The following PCDHGA1 variants were observed in gnomAD, a reference collection of about 807,000 sequenced individuals.
The protein encoded by PCDHGA1 is protocadherin gamma subfamily A, 1.
In PCDHGA1, 32 loss-of-function variants were observed where a neutral mutation model predicts 58.0. That is an observed-to-expected ratio of 0.55 (90% CI 0.42 to 0.74). The LOEUF (loss-of-function observed/expected upper bound fraction) is 0.74. Among genes scored for constraint, PCDHGA1 ranks in the 30% least tolerant of loss-of-function variants. The pLI, the probability that PCDHGA1 is intolerant of heterozygous loss-of-function variation, is 0.00. For missense variants in PCDHGA1, 1,205 were observed against 1,182.3 expected (o/e 1.02, Z -0.28); for synonymous variants, 498 against 501.1 (o/e 0.99, Z 0.08).
At chr5:141,409,573 C>T (rs562811168) in intron 1 of PCDHGA1, 4 of 1,613,934 alleles carry the variant, frequency 2.5e-6, no homozygotes, top group African/African-American at 2.7e-5. Flanking sequence ...AGACGTCCTA[C>T]GTGGTCCACG....
At chr5:141,394,840 G>A in intron 1 of PCDHGA1, 3 of 1,613,834 alleles carry the variant, frequency 1.9e-6, no homozygotes, top group Non-Finnish European at 2.5e-6. Context: ...ACCGAGTTGG[G>A]CAGTCTGAAG....
chr5:141,360,377 G>C (rs1761565545), intron 1 of PCDHGA1: 1 of 1,613,920 alleles, frequency 6.2e-7, no homozygotes, highest in African/African-American at 1.3e-5. Context: ...AACCCAGAAA[G>C]CGGAGACTTA....
At chr5:141,452,106 CTCT>C (rs748460925) in intron 1 of PCDHGA1, among the ~76,000 whole-genome samples, 12 of 152,096 alleles carry the variant, frequency 7.9e-5, no homozygotes, top group South Asian at 4.1e-4. Flanking sequence ...GCTTTCTTTT[CTCT>C]TCTTATTTAT....
intron 1 of PCDHGA1, 82 bp from the exon 2 acceptor site, chr5:141,494,725 C>T: frequency 6.2e-7 from 1 of 1,610,026 alleles, no homozygotes; most frequent in Middle Eastern, 1.7e-4. Context: ...CCCTCCTTCT[C>T]TCCCGGCCCA....
chr5:141,362,453 A>G (rs759632771), intron 1 of PCDHGA1: 1 of 1,614,024 alleles, frequency 6.2e-7, no homozygotes, highest in South Asian at 1.1e-5. Context: ...ATAACCCCGG[A>G]ATTGGTTCCC....
At chr5:141,453,964 C>T (rs2098778500) in intron 1 of PCDHGA1, among the ~76,000 whole-genome samples, 1 of 152,296 alleles carries the variant, frequency 6.6e-6, no homozygotes, top group Non-Finnish European at 1.5e-5. Context: ...GACAGCAAAG[C>T]ATGTAGTTGT....
chr5:141,375,761 C>T (rs1771855837), intron 1 of PCDHGA1: 1 of 1,614,118 alleles, frequency 6.2e-7, no homozygotes, highest in Admixed American at 1.7e-5. Flanking sequence ...TGACAATGCG[C>T]CCGAGATCCT....
Position 141,375,597 on chromosome 5 carries a change from T to A in PCDHGA1, c.2421+42492T>A, listed in dbSNP as rs752006849. ...CAGGGGGCGCCCCTGTCCTCCTACG[T>A]GTCCATCAACTCCGACACTGGGATT... On this transcript the variant is annotated intron_variant, in intron 1 of 3. Transcript: ENST00000517417. The A allele has an allele frequency of 1.4e-5, 22 of 1,614,042 alleles. No homozygotes were observed. In the Middle Eastern group the frequency reaches 4.9e-4, roughly 36 times the overall value.
rs142703691 is a variant in PCDHGA1 at position 141,489,691 on chromosome 5, C to T, written c.2422-5116C>T. On this transcript the variant is annotated intron_variant, in intron 1 of 3. Transcript: ENST00000517417. The surrounding 1 kb of genome is among the most constrained non-coding windows in gnomAD (Gnocchi z 4.5). ...CTCAGAATCAGCAGCATCTGGGGCACGATTCCCACTGGACAGTGCCCAGGA... is the reference window on the plus strand; with the variant it reads ...CTCAGAATCAGCAGCATCTGGGGCATGATTCCCACTGGACAGTGCCCAGGA... 8.1e-6 allele frequency: 13 copies of T among 1,614,164 alleles called. No individual in the cohort carries two copies. The highest frequency in any genetic ancestry group is 3.3e-5 in the South Asian group (3 of 91,080).
Position 141,338,899 on chromosome 5 carries a change from C to G in PCDHGA1, c.2421+5794C>G, listed in dbSNP as rs1756787402. 8 of 1,487,992 alleles carry G rather than the reference C, an allele frequency of 5.4e-6. No individual in the cohort carries two copies. In the South Asian group the frequency reaches 9.9e-5, roughly 18 times the overall value. The allele number at this position is 1,487,992 out of a possible 1,614,324, so 92.2% of individuals were successfully genotyped here. A position where few individuals can be genotyped will look rare whatever the true frequency, so the allele number is the denominator to read the frequency against. On this transcript the variant is annotated intron_variant, in intron 1 of 3. Transcript: ENST00000517417. ...TCCCGTGAATGCTGGTTATCTCACACCCTGAGGAATAAAGATTGGAATCCG... is the reference window on the plus strand; with the variant it reads ...TCCCGTGAATGCTGGTTATCTCACAGCCTGAGGAATAAAGATTGGAATCCG...
chr5:141,332,143 A>T lies in PCDHGA1; in HGVS notation c.1459A>T (p.Ile487Phe). 6.2e-7 allele frequency: 1 copy of T among 1,614,102 alleles called. No individual in the cohort carries two copies. The highest frequency in any genetic ancestry group is 8.5e-7 in the Non-Finnish European group (1 of 1,180,016). ...CTTGGACAGCAATGAGAATGCACAA[A>T]TCACTTACTCCCTAATAGAGGACAC... The part of the protein sequence containing the change: ...HDLDSNENAQ[I>F]TYSLIEDTIQ... The change falls in exon 1 of 4, where the codon ATC (isoleucine) becomes TTC (phenylalanine). Residue 487 changes from isoleucine to phenylalanine, a missense_variant. Physicochemically the swap from Ile to Phe is conservative, Grantham distance 21. Coordinates refer to ENST00000517417, the MANE Select transcript of PCDHGA1 (RefSeq NM_018912.3). The surrounding 1 kb of genome is among the most constrained non-coding windows in gnomAD (Gnocchi z 4.6).
chr5:141,418,902 T>A, intron 1 of PCDHGA1: 3 of 1,613,930 alleles, frequency 1.9e-6, no homozygotes, highest in Non-Finnish European at 2.5e-6. Context: ...CCAGAAATAA[T>A]CATCACGTCA....
intron 1 of PCDHGA1, chr5:141,376,103 G>T (rs1035502137): frequency 3.1e-6 from 5 of 1,613,624 alleles, no homozygotes; most frequent in African/African-American, 2.7e-5. Context: ...CATCCTGGCC[G>T]ACCTGGGCAG....
intron 1 of PCDHGA1, chr5:141,422,796 T>C: frequency 6.2e-7 from 1 of 1,614,234 alleles, no homozygotes; most frequent in Middle Eastern, 1.6e-4. Flanking sequence ...CCTTCGACTA[T>C]GAGCAGTTTC....
intron 1 of PCDHGA1, chr5:141,408,214 C>G (rs1225368283): frequency 1.3e-6 from 2 of 1,555,192 alleles, no homozygotes; most frequent in Admixed American, 2.0e-5. Context: ...TGGGAGGGAG[C>G]TGCGCGCAGA....
rs759346998 is a variant in PCDHGA1 at position 141,410,849 on chromosome 5, CTTTTT to C, written c.2421+77762_2421+77766del. On this transcript the variant is annotated intron_variant, in intron 1 of 3. Transcript: ENST00000517417. ...CAGACTGAAGATATTTTGTCTTTGT[CTTTTT>C]TTTTTTTTTTTTTTTTTGAGATGGA... 1.3e-3 allele frequency: 178 copies of C among 137,948 alleles called. 1 individual carries two copies. Among genetic ancestry groups the C allele is most frequent in the East Asian group, 2.3e-3 (10 of 4,422 alleles). 8.5% of individuals were successfully genotyped at this position (137,948 alleles called of 1,614,324 possible). A position where few individuals can be genotyped will look rare whatever the true frequency, so the allele number is the denominator to read the frequency against.
At chr5:141,480,726 G>A (rs2099524533) in intron 1 of PCDHGA1, among the ~76,000 whole-genome samples, 1 of 152,138 alleles carries the variant, frequency 6.6e-6, no homozygotes, top group Non-Finnish European at 1.5e-5. Context: ...CACAGTCTCT[G>A]GGGGTGGGAC....
intron 1 of PCDHGA1, chr5:141,389,555 G>A (rs755878042): frequency 1.2e-5 from 20 of 1,613,076 alleles, no homozygotes; most frequent in East Asian, 6.7e-5. Flanking sequence ...ACGACAATGC[G>A]CCACGGGTGC....
At chr5:141,375,095 T>G in intron 1 of PCDHGA1, 1 of 1,613,960 alleles carries the variant, frequency 6.2e-7, no homozygotes. Flanking sequence ...AATAACTATC[T>G]TGGATGTCAA....
Sources: gnomAD v4.1 joint callset for allele counts (sites outside exome capture counted in the v4.1 genomes callset) on GRCh38, gnomAD v4.1.1 for gene constraint, Gnocchi (gnomAD v3.1) non-coding constraint, MANE v1.5 for transcripts, NCBI Gene and HGNC (gene_info 2026-07-23, HGNC 2026-07-21) for gene names.